Variants in ZNF185 observed in about 807,000 individuals in gnomAD.
ZNF185 encodes the protein zinc finger protein 185.
A neutral mutation model predicts 58.6 loss-of-function variants in ZNF185; 56 were observed. The observed-to-expected ratio is 0.95, with a 90% confidence interval of 0.77 to 1.19. The LOEUF is 1.19. ZNF185 is among the 50% of genes most tolerant of loss of function. The pLI is 0.00. For missense variants in ZNF185, 627 were observed against 573.5 expected, an observed-to-expected ratio of 1.09 and a Z score of -0.95; for synonymous variants, 230 against 215.9, an observed-to-expected ratio of 1.07 and a Z score of -0.57.
chrX:152,943,565 G>A (rs1428268359), intron 15 of ZNF185, among the ~76,000 whole-genome samples: 4 of 112,733 alleles, frequency 3.5e-5, no homozygotes, highest in Admixed American at 2.8e-4. Context: ...TTGTCCAGCA[G>A]AGCTTCCTGT....
intron 20 of ZNF185, among the ~76,000 whole-genome samples, chrX:152,967,923 A>T (rs1556915981): frequency 8.9e-6 from 1 of 112,214 alleles, no homozygotes; most frequent in African/African-American, 3.2e-5. Flanking sequence ...CAGACCCAGG[A>T]CTAAACCCCA....
At chrX:152,947,495 G>A (rs1556896316) in intron 16 of ZNF185, among the ~76,000 whole-genome samples, 1 of 112,374 alleles carries the variant, frequency 8.9e-6, no homozygotes, top group African/African-American at 3.2e-5. Context: ...AACTAGCTGA[G>A]GGTAAGGAGT....
intron 11 of ZNF185, among the ~76,000 whole-genome samples, chrX:152,926,264 G>GT (rs1432360843): frequency 3.6e-5 from 4 of 112,670 alleles, no homozygotes; most frequent in Non-Finnish European, 7.5e-5. Context: ...AGGGAGAGCA[G>GT]TAATAGCTAC....
At chrX:152,934,636 C>T (rs1271589861) in intron 14 of ZNF185, among the ~76,000 whole-genome samples, 9 of 111,940 alleles carry the variant, frequency 8.0e-5, no homozygotes, top group African/African-American at 2.9e-4. Flanking sequence ...AACCTATGCA[C>T]ATCCTCCTGT....
intron 11 of ZNF185, 92 bp downstream of exon 12, chrX:152,922,901 G>T: frequency 1.2e-6 from 1 of 829,475 alleles, no homozygotes; most frequent in East Asian, 3.5e-5. Context: ...GGAGGGTCTG[G>T]CAGTGGGGTG....
At chrX:152,951,871 T>C (rs1370836933) in intron 16 of ZNF185, among the ~76,000 whole-genome samples, 1 of 112,322 alleles carries the variant, frequency 8.9e-6, no homozygotes, top group East Asian at 2.7e-4. Flanking sequence ...CTAAGTATTT[T>C]ATCTTCTTTA....
At chrX:152,942,429 A>C (rs942282902) in intron 15 of ZNF185, among the ~76,000 whole-genome samples, 2 of 111,604 alleles carry the variant, frequency 1.8e-5, no homozygotes, top group Non-Finnish European at 3.8e-5. Flanking sequence ...AATAGTGGTA[A>C]TCATACCTCC....
intron 6 of ZNF185, among the ~76,000 whole-genome samples, chrX:152,918,654 C>T (rs1300623008): frequency 3.6e-5 from 4 of 112,229 alleles, no homozygotes; most frequent in African/African-American, 1.3e-4. Flanking sequence ...TTTCAAAGCC[C>T]CCCACCCCCC....
intron 11 of ZNF185, among the ~76,000 whole-genome samples, chrX:152,927,136 A>G (rs782546961): frequency 3.6e-5 from 4 of 112,341 alleles, no homozygotes; most frequent in Admixed American, 1.9e-4. Flanking sequence ...TGCCTGTGAC[A>G]TCCCTGTTCC....
intron 11 of ZNF185, among the ~76,000 whole-genome samples, chrX:152,925,655 C>T (rs782290931): frequency 1.6e-4 from 18 of 111,759 alleles, no homozygotes; most frequent in Non-Finnish European, 2.3e-4. Context: ...GACCCTACCA[C>T]GTTAGGTGCT....
chrX:152,943,210 G>A (rs2047429598), intron 15 of ZNF185, among the ~76,000 whole-genome samples: 1 of 110,845 alleles, frequency 9.0e-6, no homozygotes, highest in East Asian at 2.8e-4. Flanking sequence ...TGCGCAGGCT[G>A]GTCTCAAACT....
At chrX:152,942,900 G>C (rs781851207) in intron 15 of ZNF185, among the ~76,000 whole-genome samples, 1 of 111,339 alleles carries the variant, frequency 9.0e-6, no homozygotes, top group Non-Finnish European at 1.9e-5. Context: ...GAGTTCCGGG[G>C]ATTGAGATCA....
intron 12 of ZNF185, among the ~76,000 whole-genome samples, chrX:152,930,324 A>C (rs1941713281): frequency 8.9e-6 from 1 of 112,113 alleles, no homozygotes; most frequent in Admixed American, 9.4e-5. Context: ...AGGTATTTTA[A>C]GGTTTGTGAT....
In ZNF185 at chrX:152,932,861, T is replaced by G. The variant is rs1603246079; in HGVS notation, c.1023-12T>G. 8.5e-7 allele frequency: 1 copy of G among 1,181,156 alleles called. No homozygotes were observed. The highest frequency in any genetic ancestry group is 1.1e-6 in the Non-Finnish European group (1 of 873,065). ...CAACTAGAGTCAGCAAATACTCCAC[T>G]TCTCATAACAGGTCAAGTGCACAGT... On this transcript the variant is annotated splice_polypyrimidine_tract_variant and intron_variant, in intron 13 of 22. Transcript: ENST00000449285.
At chrX:152,958,868 G>T (rs2049140731) in intron 16 of ZNF185, among the ~76,000 whole-genome samples, 1 of 112,384 alleles carries the variant, frequency 8.9e-6, no homozygotes, top group Non-Finnish European at 1.9e-5. Context: ...GCGGGTGCAC[G>T]CACGCGCGCT....
chrX:152,944,341 C>T (rs2047558312), intron 15 of ZNF185, among the ~76,000 whole-genome samples: 1 of 112,228 alleles, frequency 8.9e-6, no homozygotes, highest in Non-Finnish European at 1.9e-5. Flanking sequence ...GGGTAGCCCC[C>T]ACCAGCTATT....
At chrX:152,934,546 T>C (rs1471816713) in intron 14 of ZNF185, among the ~76,000 whole-genome samples, 1 of 112,150 alleles carries the variant, frequency 8.9e-6, no homozygotes, top group Admixed American at 9.4e-5. Flanking sequence ...CTGTGGGGGA[T>C]TGGTTCCAGA....
At chrX:152,949,286 T>C (rs781971494) in intron 16 of ZNF185, among the ~76,000 whole-genome samples, 1 of 112,718 alleles carries the variant, frequency 8.9e-6, no homozygotes, top group Non-Finnish European at 1.9e-5. Context: ...AGGCCCTACC[T>C]AGGCTGGCCT....
the ZNF185 span, among the ~76,000 whole-genome samples, chrX:152,908,135 C>T: frequency 8.9e-6 from 1 of 112,488 alleles, no homozygotes; most frequent in Admixed American, 9.4e-5. Flanking sequence ...CATGTGAGGC[C>T]ACTTAGGGAA....
Sources: allele counts gnomAD v4.1 joint callset (sites outside exome capture counted in the v4.1 genomes callset), GRCh38; gene constraint gnomAD v4.1.1; transcripts MANE v1.5; gene names NCBI Gene and HGNC (gene_info 2026-07-23, HGNC 2026-07-21).